Variants in TRPM3 observed in about 807,000 individuals in gnomAD.
The protein encoded by TRPM3 is long transient receptor potential channel 3.
In TRPM3, 77 loss-of-function variants were observed where a neutral mutation model predicts 181.2. That is an observed-to-expected ratio of 0.42 (90% confidence interval 0.35 to 0.51). The LOEUF (loss-of-function observed/expected upper bound fraction) is 0.51. Among genes scored for constraint, TRPM3 ranks in the 20% least tolerant of loss-of-function variants. TRPM3 has a pLI of 0.01. For missense variants in TRPM3, 1,759 were observed against 2,196.7 expected, an observed-to-expected ratio of 0.80 and a Z score of 3.98; for synonymous variants, 745 against 796.4, an observed-to-expected ratio of 0.94 and a Z score of 1.09.
At chr9:71,151,837 T>C (rs2075750648) in intron 1 of TRPM3, among the ~76,000 whole-genome samples, 1 of 152,062 alleles carries the variant, frequency 6.6e-6, no homozygotes, top group South Asian at 2.1e-4. Flanking sequence ...AAAGGCAAGG[T>C]GGATAACAGT....
chr9:70,646,764 A>G (rs1207796223), intron 9 of TRPM3, among the ~76,000 whole-genome samples: 1 of 152,002 alleles, frequency 6.6e-6, no homozygotes, highest in Admixed American at 6.6e-5. Flanking sequence ...TTGAAAAAAT[A>G]CATAAGATTG....
chr9:71,338,084 C>T (rs1318159221), intron 1 of TRPM3, among the ~76,000 whole-genome samples: 5 of 144,256 alleles, frequency 3.5e-5, no homozygotes, highest in South Asian at 2.4e-4. Flanking sequence ...AGTACAACAA[C>T]AACAACAGAA....
At chr9:70,590,819 A>C (rs988500104) in intron 22 of TRPM3, among the ~76,000 whole-genome samples, 3 of 152,200 alleles carry the variant, frequency 2.0e-5, no homozygotes, top group Non-Finnish European at 4.4e-5. Context: ...GTGTCACAGA[A>C]CATGACATAC....
intron 1 of TRPM3, among the ~76,000 whole-genome samples, chr9:70,955,749 A>G (rs2097061540): frequency 6.6e-6 from 1 of 152,204 alleles, no homozygotes. Context: ...TACCTACAGT[A>G]TAAGCCCCAT....
intron 5 of TRPM3, among the ~76,000 whole-genome samples, chr9:70,837,448 A>T (rs2094395925): frequency 6.6e-6 from 1 of 152,204 alleles, no homozygotes; most frequent in Non-Finnish European, 1.5e-5. Flanking sequence ...ACACAAGATG[A>T]TGTGTTGTAA....
chr9:70,632,723 G>GA (rs34736060), intron 12 of TRPM3, among the ~76,000 whole-genome samples: 12 of 151,362 alleles, frequency 7.9e-5, no homozygotes, highest in Non-Finnish European at 1.0e-4. Context: ...TACTTAAAAG[G>GA]AAAAAAAAAA....
intron 12 of TRPM3, among the ~76,000 whole-genome samples, chr9:70,631,376 T>A (rs920089623): frequency 2.0e-5 from 3 of 152,172 alleles, no homozygotes; most frequent in African/African-American, 7.2e-5. Context: ...TTTTTTTTTT[T>A]TTTTATTCTG....
chr9:71,176,410 A>G (rs2077108708), intron 1 of TRPM3, among the ~76,000 whole-genome samples: 1 of 152,144 alleles, frequency 6.6e-6, no homozygotes, highest in Non-Finnish European at 1.5e-5. Flanking sequence ...TTTTAATTGA[A>G]AAGGCCTAAG....
intron 1 of TRPM3, among the ~76,000 whole-genome samples, chr9:70,926,470 T>G (rs542973432): frequency 1.3e-5 from 2 of 152,110 alleles, no homozygotes; most frequent in Non-Finnish European, 2.9e-5. Context: ...TAAAAGTGGC[T>G]CTCTCAAAAG....
chr9:70,869,677 T>C (rs550758940), intron 1 of TRPM3, among the ~76,000 whole-genome samples: 2 of 152,068 alleles, frequency 1.3e-5, no homozygotes, highest in Non-Finnish European at 2.9e-5. Flanking sequence ...TCTCCGATCA[T>C]ACTTCTTATC....
At chr9:70,755,840 G>A (rs1455084801) in intron 8 of TRPM3, among the ~76,000 whole-genome samples, 1 of 152,094 alleles carries the variant, frequency 6.6e-6, no homozygotes, top group Non-Finnish European at 1.5e-5. Context: ...ATATGGAAAG[G>A]AAAAACCAGT....
chr9:70,998,142 C>CATATAT (rs1564932704), intron 1 of TRPM3, among the ~76,000 whole-genome samples: 1 of 58,268 alleles, frequency 1.7e-5, no homozygotes, highest in African/African-American at 4.6e-5. Flanking sequence ...CATATATATA[C>CATATAT]ACATATATAT....
intron 9 of TRPM3, among the ~76,000 whole-genome samples, chr9:70,664,956 G>T (rs1175558928): frequency 6.6e-6 from 1 of 152,096 alleles, no homozygotes; most frequent in Admixed American, 6.5e-5. Context: ...GCCTAGGAAC[G>T]TACCTCTCAC....
chr9:70,865,900 C>G (rs904199826), intron 1 of TRPM3, among the ~76,000 whole-genome samples: 1 of 152,050 alleles, frequency 6.6e-6, no homozygotes, highest in African/African-American at 2.4e-5. Context: ...CCTCAGAGAC[C>G]CTCAGGTCCA....
intron 7 of TRPM3, among the ~76,000 whole-genome samples, chr9:70,778,258 CG>C (rs2081823381): frequency 6.6e-6 from 1 of 152,158 alleles, no homozygotes; most frequent in African/African-American, 2.4e-5. Flanking sequence ...ATAGGATTCT[CG>C]TGAAGAATGC....
upstream of TRPM3, among the ~76,000 whole-genome samples, chr9:71,124,937 TTTA>T (rs1236472058): frequency 2.0e-5 from 3 of 152,152 alleles, no homozygotes; most frequent in African/African-American, 7.2e-5. Context: ...TTTTTCAGAG[TTTA>T]TTATTACAAC....
intron 1 of TRPM3, among the ~76,000 whole-genome samples, chr9:71,077,295 A>G (rs1349529082): frequency 1.3e-5 from 2 of 152,144 alleles, no homozygotes; most frequent in African/African-American, 4.8e-5. Flanking sequence ...TTAAAACACC[A>G]GACACTACCA....
At chr9:71,216,692 A>G (rs2079887796) in intron 1 of TRPM3, among the ~76,000 whole-genome samples, 1 of 152,116 alleles carries the variant, frequency 6.6e-6, no homozygotes, top group Non-Finnish European at 1.5e-5. Context: ...CTTCCCTGTA[A>G]ATTCTTTTAG....
intron 9 of TRPM3, among the ~76,000 whole-genome samples, chr9:70,651,195 T>A (rs1022837738): frequency 2.0e-5 from 3 of 152,128 alleles, no homozygotes; most frequent in Admixed American, 2.0e-4. Flanking sequence ...AGGGAAAAAG[T>A]TTATTTAATG....
Sources: gnomAD v4.1 joint callset for allele counts (sites outside exome capture counted in the v4.1 genomes callset) on GRCh38, gnomAD v4.1.1 for gene constraint, MANE v1.5 for transcripts, NCBI Gene and HGNC (gene_info 2026-07-23, HGNC 2026-07-21) for gene names.